The following RANGAP1 variants were observed in gnomAD, a reference collection of about 807,000 sequenced individuals.
RANGAP1 encodes the protein ran GTPase-activating protein 1.
Under a neutral mutation model 63.5 loss-of-function variants are expected in RANGAP1, and 38 were observed. The ratio of observed to expected loss-of-function variants is 0.60; its 90% CI spans 0.46 to 0.78. The LOEUF is 0.78. RANGAP1 is among the 30% of genes least tolerant of loss of function. The probability of loss-of-function intolerance (pLI) is 0.00; values close to 1 mark genes in which losing one functional copy is unlikely to be tolerated. For synonymous variants in RANGAP1, 329 were observed against 310.5 expected (o/e 1.06, Z -0.63); for missense variants, 630 against 740.3 (o/e 0.85, Z 1.73).
chr22:41,266,013 T>C (rs568148640), intron 4 of RANGAP1, among the ~76,000 whole-genome samples: 151 of 152,090 alleles, frequency 9.9e-4, no homozygotes, highest in African/African-American at 3.5e-3. Flanking sequence ...CCATCCTGGC[T>C]AACACAGTGA....
At chr22:41,269,657 G>A (rs951904207) in intron 3 of RANGAP1, among the ~76,000 whole-genome samples, 4 of 150,656 alleles carry the variant, frequency 2.7e-5, no homozygotes, top group Middle Eastern at 3.5e-3. Flanking sequence ...CAAGAGAATC[G>A]CTGAAAACCG....
intron 15 of RANGAP1, among the ~76,000 whole-genome samples, chr22:41,247,666 C>G (rs1278133286): frequency 6.6e-6 from 1 of 152,196 alleles, no homozygotes; most frequent in Non-Finnish European, 1.5e-5. Flanking sequence ...TGTTGTTGCC[C>G]TCAATATCAT....
intron 2 of RANGAP1, chr22:41,280,675 T>C: frequency 7.0e-7 from 1 of 1,418,444 alleles, no homozygotes; most frequent in Non-Finnish European, 9.3e-7. Context: ...GGCCCCTCAT[T>C]ACCTATCATC....
the RANGAP1 span, among the ~76,000 whole-genome samples, chr22:41,293,775 AAAAAAAG>A: frequency 3.5e-5 from 3 of 86,452 alleles, no homozygotes; most frequent in Admixed American, 2.2e-4. Context: ...AAAAAAAAAA[AAAAAAAG>A]AAAAGAAATA....
At chr22:41,258,527 A>G (rs929413532) in intron 6 of RANGAP1, among the ~76,000 whole-genome samples, 2 of 152,178 alleles carry the variant, frequency 1.3e-5, no homozygotes, top group African/African-American at 4.8e-5. Flanking sequence ...CACCTACACA[A>G]CATAACCCCT....
chr22:41,293,235 A>AC, the RANGAP1 span, among the ~76,000 whole-genome samples: 1 of 138,408 alleles, frequency 7.2e-6, no homozygotes, highest in Non-Finnish European at 1.5e-5. Flanking sequence ...ACTCCTCTCA[A>AC]AAAAAAAAAA....
At chr22:41,281,115 A>C in intron 1 of RANGAP1, 33 bp from the exon 2 acceptor site, 1 of 1,512,104 alleles carries the variant, frequency 6.6e-7, no homozygotes, top group Non-Finnish European at 8.8e-7. Flanking sequence ...AAGAAAAAGG[A>C]GTCTCCTGGG....
chr22:41,285,613 C>A (rs962853223), intron 1 of RANGAP1: 3 of 985,256 alleles, frequency 3.0e-6, no homozygotes, highest in African/African-American at 3.5e-5. Flanking sequence ...GGTGGCTCTG[C>A]GGGAGCGACG....
intron 12 of RANGAP1, among the ~76,000 whole-genome samples, chr22:41,252,257 G>A (rs1352369914): frequency 1.3e-5 from 2 of 152,196 alleles, no homozygotes; most frequent in Admixed American, 1.3e-4. Context: ...AGCCGAGATC[G>A]TGCCACTGCA....
the RANGAP1 span, among the ~76,000 whole-genome samples, chr22:41,299,558 C>T: frequency 5.9e-5 from 9 of 152,184 alleles, no homozygotes; most frequent in South Asian, 1.5e-3. Flanking sequence ...TGTGAGCCAC[C>T]GTGCCGAGCT....
intron 2 of RANGAP1, among the ~76,000 whole-genome samples, chr22:41,278,094 T>C (rs2035265504): frequency 6.7e-6 from 1 of 149,814 alleles, no homozygotes; most frequent in Non-Finnish European, 1.5e-5. Flanking sequence ...TGGAGTACAG[T>C]GGTGCCATCT....
At chr22:41,248,714 C>G (rs965690086) in intron 15 of RANGAP1, among the ~76,000 whole-genome samples, 9 of 152,090 alleles carry the variant, frequency 5.9e-5, no homozygotes, top group Admixed American at 5.2e-4. Flanking sequence ...GCAAGCCTCC[C>G]GACCCCTCCC....
intron 4 of RANGAP1, among the ~76,000 whole-genome samples, chr22:41,265,909 C>T (rs2034438156): frequency 6.6e-6 from 1 of 152,192 alleles, no homozygotes; most frequent in South Asian, 2.1e-4. Flanking sequence ...CACAGAAAGC[C>T]TAGCCCCTGG....
Position 41,280,988 on chromosome 22 carries a change from G to A in RANGAP1, c.57C>T (p.Ala19=), listed in dbSNP as rs777396352. 2.1e-5 allele frequency: 34 copies of A among 1,613,378 alleles called. No individual in the cohort carries two copies. Among genetic ancestry groups the A allele is most frequent in the East Asian group, 4.5e-5 (2 of 44,892 alleles). The change falls in exon 2 of 16, where the codon GCC becomes GCT. Residue 19 remains alanine, a synonymous_variant. Transcript: ENST00000356244. ...LAETLAKTQV[A]GGQLSFKGKS... ...TGCCTTTGAAACTCAGCTGTCCCCCGGCCACCTGAGTCTTGGCAAGTGTCT... is the reference window on the plus strand; with the variant it reads ...TGCCTTTGAAACTCAGCTGTCCCCCAGCCACCTGAGTCTTGGCAAGTGTCT...
At chr22:41,289,481 G>C (rs563720859), upstream of RANGAP1, among the ~76,000 whole-genome samples, 5 of 152,072 alleles carry the variant, frequency 3.3e-5, no homozygotes, top group South Asian at 2.1e-4. Flanking sequence ...AAATTAGCTG[G>C]GCATGGTGGC....
At chr22:41,290,174 G>A (rs915375605), upstream of RANGAP1, among the ~76,000 whole-genome samples, 2 of 148,376 alleles carry the variant, frequency 1.3e-5, no homozygotes. Context: ...GAGAGAGAGA[G>A]AGAGAAAGAG....
chr22:41,269,127 T>C (rs1267690212), intron 3 of RANGAP1, among the ~76,000 whole-genome samples: 1 of 152,208 alleles, frequency 6.6e-6, no homozygotes, highest in African/African-American at 2.4e-5. Flanking sequence ...TCGCCTAGGC[T>C]GGAGTGCAGT....
At chr22:41,266,094 T>C (rs573709156) in intron 4 of RANGAP1, among the ~76,000 whole-genome samples, 3 of 151,488 alleles carry the variant, frequency 2.0e-5, no homozygotes, top group African/African-American at 4.9e-5. Context: ...CCCAGCTACT[T>C]GGGAGGCTGA....
chr22:41,268,176 A>T lies in RANGAP1; in HGVS notation c.241-20T>A, dbSNP rs1255519093. ...GCAGCGCTGCAACGGAAAGAAGAGAAGAGTTAGCGGGAGAGAGACCCCTGG... is the reference window on the plus strand; with the variant it reads ...GCAGCGCTGCAACGGAAAGAAGAGATGAGTTAGCGGGAGAGAGACCCCTGG... On this transcript the variant is annotated intron_variant, in intron 3 of 15. Coordinates refer to ENST00000356244, the MANE Select transcript of RANGAP1 (RefSeq NM_002883.4). 8 of 1,533,618 alleles carry T rather than the reference A, an allele frequency of 5.2e-6. No individual in the cohort carries two copies. In the Admixed American group the frequency reaches 5.9e-5, roughly 11 times the overall value.
Sources: allele counts gnomAD v4.1 joint callset (sites outside exome capture counted in the v4.1 genomes callset), GRCh38; gene constraint gnomAD v4.1.1; transcripts MANE v1.5; gene names NCBI Gene and HGNC (gene_info 2026-07-23, HGNC 2026-07-21).